SP140: variants seen among roughly 807,000 people sequenced by gnomAD.
SP140 encodes the protein nuclear body protein SP140.
A neutral mutation model predicts 125.0 loss-of-function variants in SP140; 81 were observed. The ratio of observed to expected loss-of-function variants is 0.65; its 90% CI spans 0.54 to 0.78. SP140 has a LOEUF of 0.78. Ranked by LOEUF, SP140 falls within the 30% of genes least tolerant of loss-of-function variation. The pLI is 0.00. For synonymous variants in SP140, 312 were observed against 354.0 expected, an observed-to-expected ratio of 0.88 and a Z score of 1.33; for missense variants, 858 against 1,037.0, an observed-to-expected ratio of 0.83 and a Z score of 2.37.
At chr2:230,216,662 A>C in intron 3 of SP140, 1 of 1,219,620 alleles carries the variant, frequency 8.2e-7, no homozygotes, top group South Asian at 1.2e-5. Context: ...GTGATAATGA[A>C]CATGCCTGGG....
intron 1 of SP140, among the ~76,000 whole-genome samples, chr2:230,206,198 C>T (rs1559168969): frequency 6.6e-6 from 1 of 152,100 alleles, no homozygotes; most frequent in African/African-American, 2.4e-5. Flanking sequence ...TTTCCTTTTA[C>T]AGCTAGAGTT....
chr2:230,298,673 G>C (rs1559909), intron 22 of SP140, among the ~76,000 whole-genome samples: 87,168 of 151,990 alleles, frequency 0.57, 25,658 homozygotes, highest in South Asian at 0.69. Context: ...ATCCCCATGC[G>C]TCCATAACCA....
At chr2:230,236,551 A>G (rs2048039847) in intron 1 of SP140, among the ~76,000 whole-genome samples, 1 of 152,236 alleles carries the variant, frequency 6.6e-6, no homozygotes, top group Admixed American at 6.5e-5. Context: ...GTGCAGCTCC[A>G]GTCTGAATGC....
At chr2:230,284,517 T>TAATGGATACAGGAG in intron 16 of SP140, 106 bp downstream of exon 16, 1 of 888,060 alleles carries the variant, frequency 1.1e-6, no homozygotes, top group Non-Finnish European at 1.7e-6. Context: ...CTATACCTCC[T>TAATGGATACAGGAG]GTATCCATTA....
chr2:230,245,963 CTT>C (rs2049385229), intron 7 of SP140, 23 bp downstream of exon 7: 1 of 1,428,756 alleles, frequency 7.0e-7, no homozygotes, highest in East Asian at 2.3e-5. Context: ...TAAATTAAAG[CTT>C]TATTTTTCTG....
chr2:230,304,930 G>T (rs2058616519), intron 22 of SP140, among the ~76,000 whole-genome samples: 1 of 152,176 alleles, frequency 6.6e-6, no homozygotes, highest in African/African-American at 2.4e-5. Context: ...AAACTAAAAG[G>T]CTTCTATACA....
the SP140 span, among the ~76,000 whole-genome samples, chr2:230,192,314 G>A: frequency 0.028 from 4,228 of 152,106 alleles, 198 homozygotes; most frequent in African/African-American, 0.096. Context: ...GAAATAAAGC[G>A]TATTCAAATA....
chr2:230,245,064 A>G lies in SP140; in HGVS notation c.648A>G (p.Leu216=), dbSNP rs1163533385. The change falls in exon 6 of 27, where the codon CTA becomes CTG. Residue 216 remains leucine, a synonymous_variant. Coordinates refer to ENST00000392045, the MANE Select transcript of SP140 (RefSeq NM_007237.5). ...GAGATGCTGAAGATGCACCCAGCCT[A>G]CTACCAGGTGGGGGAGGTAATTATG... The part of the protein sequence containing the change: ...GGGDAEDAPS[L]LPGGGVSCKL... The G allele has an allele frequency of 6.2e-7, 1 of 1,610,818 alleles. No homozygotes were observed. Among genetic ancestry groups the G allele is most frequent in the Admixed American group, 1.7e-5 (1 of 59,954 alleles).
intron 19 of SP140, among the ~76,000 whole-genome samples, chr2:230,291,175 A>T (rs1315380468): frequency 2.6e-5 from 4 of 152,252 alleles, no homozygotes; most frequent in African/African-American, 9.6e-5. Flanking sequence ...TTGCCAAAAA[A>T]TGTCTATTAG....
At chr2:230,221,020 C>T (rs1490562803), upstream of SP140, among the ~76,000 whole-genome samples, 9 of 151,806 alleles carry the variant, frequency 5.9e-5, no homozygotes, top group Middle Eastern at 3.4e-3. Flanking sequence ...CGGTGGCTCA[C>T]GCCTGTAATC....
intron 1 of SP140, among the ~76,000 whole-genome samples, chr2:230,205,496 T>C (rs1030105502): frequency 2.6e-5 from 4 of 152,192 alleles, no homozygotes; most frequent in African/African-American, 4.8e-5. Context: ...AATTATCTTG[T>C]TTATGTGCTT....
At chr2:230,269,717 A>C in intron 13 of SP140, 99 bp downstream of exon 13, 3 of 1,058,988 alleles carry the variant, frequency 2.8e-6, no homozygotes, top group Non-Finnish European at 2.8e-6. Flanking sequence ...AAATATAAGG[A>C]GGAGCAGTGA....
At chr2:230,192,427 T>C in the SP140 span, among the ~76,000 whole-genome samples, 1 of 152,178 alleles carries the variant, frequency 6.6e-6, no homozygotes, top group Admixed American at 6.5e-5. Context: ...GATAAGCAAC[T>C]TCAACAAAGT....
intron 18 of SP140, among the ~76,000 whole-genome samples, chr2:230,289,215 C>A (rs1007833369): frequency 5.9e-5 from 9 of 152,158 alleles, no homozygotes; most frequent in African/African-American, 2.2e-4. Flanking sequence ...TCTCTAATGA[C>A]CAGTGATGAT....
At position 230,270,049 on chromosome 2, in the gene SP140, C is replaced by T. The variant is rs558369116; in HGVS notation, c.1444+96C>T. The T allele has an allele frequency of 1.4e-5, 11 of 774,476 alleles. 1 individual carries two copies. In the East Asian group the frequency reaches 2.7e-4, roughly 19 times the overall value. The allele number at this position is 774,476 out of a possible 1,614,324, so 48.0% of individuals were successfully genotyped here. A position where few individuals can be genotyped will look rare whatever the true frequency, so the allele number is the denominator to read the frequency against. Reference sequence around the variant, plus strand: ...TAGGTGCTCCAGTCTGTCCAGAATTCTATTCTCCGCATTTGCTTGACCTGA... The same window carrying T: ...TAGGTGCTCCAGTCTGTCCAGAATTTTATTCTCCGCATTTGCTTGACCTGA... On this transcript the variant is annotated intron_variant, in intron 14 of 26. Coordinates refer to ENST00000392045, the MANE Select transcript of SP140 (RefSeq NM_007237.5).
intron 2 of SP140, chr2:230,213,948 TC>T (rs1173526400): frequency 6.6e-6 from 1 of 152,170 alleles, no homozygotes; most frequent in African/African-American, 2.4e-5. Context: ...AGAAATCATC[TC>T]TCCCTTCAGG....
chr2:230,202,348 C>G (rs1035645043), upstream of SP140, among the ~76,000 whole-genome samples: 4 of 152,168 alleles, frequency 2.6e-5, no homozygotes, highest in African/African-American at 9.7e-5. Flanking sequence ...AATTTGAGAG[C>G]TGCTGCCCCA....
chr2:230,190,725 T>C, the SP140 span, among the ~76,000 whole-genome samples: 1 of 152,174 alleles, frequency 6.6e-6, no homozygotes, highest in South Asian at 2.1e-4. Flanking sequence ...TCTTCAGTTA[T>C]TTTTTGTATA....
intron 6 of SP140, among the ~76,000 whole-genome samples, chr2:230,245,607 C>T (rs2049321365): frequency 6.6e-6 from 1 of 151,944 alleles, no homozygotes; most frequent in Non-Finnish European, 1.5e-5. Context: ...TCAAAGAGAT[C>T]CTGGAGTTGG....
Sources: allele counts gnomAD v4.1 joint callset (sites outside exome capture counted in the v4.1 genomes callset), GRCh38; gene constraint gnomAD v4.1.1; transcripts MANE v1.5; gene names NCBI Gene and HGNC (gene_info 2026-07-23, HGNC 2026-07-21).